CLIC5: variants seen among roughly 807,000 people sequenced by gnomAD.
CLIC5 encodes the protein CLIC family member 5, also known as chloride intracellular channel protein 5.
Under a neutral mutation model 24.7 loss-of-function variants are expected in CLIC5, and 20 were observed. The observed-to-expected ratio is 0.81, with a 90% CI of 0.57 to 1.18. The LOEUF is 1.18. Among genes scored for constraint, CLIC5 ranks in the 50% most tolerant of loss-of-function variants. The pLI, the probability that CLIC5 is intolerant of heterozygous loss-of-function variation, is 0.00. For missense variants in CLIC5, 341 were observed against 326.1 expected, an observed-to-expected ratio of 1.05 and a Z score of -0.35; for synonymous variants, 159 against 135.6, an observed-to-expected ratio of 1.17 and a Z score of -1.20.
At position 45,932,038 on chromosome 6, in the gene CLIC5, T is replaced by G. The variant is rs373511976; in HGVS notation, c.406+9509A>C. Reference sequence around the variant, plus strand: ...CCTGCCTCCAAAGATCCAGCCTCTTTTTGGTCCTTTCTGTTGATGGGATAC... The same window carrying G: ...CCTGCCTCCAAAGATCCAGCCTCTTGTTGGTCCTTTCTGTTGATGGGATAC... On this transcript the variant is annotated intron_variant, in intron 4 of 5. Transcript: ENST00000339561. 1.1e-4 allele frequency among the ~76,000 whole-genome samples: 16 copies of G among 152,308 alleles called. No homozygotes were observed. In the East Asian group the frequency reaches 2.9e-3, roughly 28 times the overall value.
At chr6:46,071,734 G>C (rs555585476) in intron 1 of CLIC5, among the ~76,000 whole-genome samples, 51 of 152,176 alleles carry the variant, frequency 3.4e-4, no homozygotes, top group African/African-American at 1.1e-3. Context: ...TCTCATTACT[G>C]GGTATATACC....
At chr6:46,007,676 C>A (rs1766636439) in intron 1 of CLIC5, among the ~76,000 whole-genome samples, 1 of 152,124 alleles carries the variant, frequency 6.6e-6, no homozygotes, top group Non-Finnish European at 1.5e-5. Context: ...TCCTTAAACC[C>A]ACATAGCGTA....
upstream of CLIC5, among the ~76,000 whole-genome samples, chr6:46,020,238 C>G (rs929083415): frequency 3.3e-5 from 5 of 151,966 alleles, no homozygotes; most frequent in East Asian, 9.6e-4. Flanking sequence ...GTTCTCTGAC[C>G]ATAATGGAAT....
At chr6:45,925,522 G>T (rs1326603414) in intron 4 of CLIC5, among the ~76,000 whole-genome samples, 1 of 152,064 alleles carries the variant, frequency 6.6e-6, no homozygotes, top group African/African-American at 2.4e-5. Flanking sequence ...TCACCATATT[G>T]GCCAGGCTGG....
At chr6:45,898,078 T>C (rs1762420667), downstream of CLIC5, among the ~76,000 whole-genome samples, 1 of 152,184 alleles carries the variant, frequency 6.6e-6, no homozygotes, top group Non-Finnish European at 1.5e-5. Context: ...TTTGTTTTGC[T>C]TTGTTTGAGA....
At chr6:45,912,929 G>A (rs1292023410) in intron 5 of CLIC5, among the ~76,000 whole-genome samples, 1 of 152,154 alleles carries the variant, frequency 6.6e-6, no homozygotes, top group Admixed American at 6.6e-5. Flanking sequence ...CAGCTCTAAG[G>A]CATACGGAAA....
chr6:46,099,445 C>T, the CLIC5 span, among the ~76,000 whole-genome samples: 1 of 152,190 alleles, frequency 6.6e-6, no homozygotes. Flanking sequence ...AAACAGTAGA[C>T]AGCCATTGGC....
intron 1 of CLIC5, among the ~76,000 whole-genome samples, chr6:46,000,846 T>G (rs1296551884): frequency 1.3e-5 from 2 of 152,134 alleles, no homozygotes; most frequent in Admixed American, 1.3e-4. Context: ...AAGGTGAGAT[T>G]TGGGTGGGGA....
At chr6:46,010,095 T>C (rs754842298) in intron 1 of CLIC5, among the ~76,000 whole-genome samples, 16 of 152,162 alleles carry the variant, frequency 1.1e-4, no homozygotes, top group Non-Finnish European at 2.2e-4. Context: ...ATCGGGAACA[T>C]TTCTCTTCCA....
Position 45,902,180 on chromosome 6 carries a change from C to G in CLIC5, c.*908G>C, listed in dbSNP as rs1762527294. ...AGAACTCTTTTGTCTTCACCCATCT[C>G]TCCTCCTCCCACTCCCATCCACTTT... On this transcript the variant is annotated 3_prime_UTR_variant, in exon 6 of 6. Coordinates refer to ENST00000339561, the MANE Select transcript of CLIC5 (RefSeq NM_016929.5). 1 of 152,822 alleles carries G rather than the reference C, an allele frequency of 6.5e-6. No homozygotes were observed. The highest frequency in any genetic ancestry group is 2.1e-4 in the South Asian group (1 of 4,828). The allele number at this position is 152,822 out of a possible 1,614,324, so 9.5% of individuals were successfully genotyped here.
chr6:45,948,441 G>A (rs974348286), intron 3 of CLIC5, among the ~76,000 whole-genome samples: 2 of 152,066 alleles, frequency 1.3e-5, no homozygotes, highest in East Asian at 1.9e-4. Flanking sequence ...GTCTTAAAAC[G>A]GACTCCCCAC....
Position 46,007,048 on chromosome 6 carries a change from G to A in CLIC5, c.63+8432C>T, listed in dbSNP as rs113242017. Among the ~76,000 whole-genome samples, 9 of 152,126 alleles carry A rather than the reference G, an allele frequency of 5.9e-5. No homozygotes were observed. The East Asian group carries it at 7.7e-4, about 13-fold the overall frequency. ...CTCCCTCCTCTGGGGAACCTCCTCC[G>A]TCACCTGTAGCTCTGAGCAGAAGTT... is the stretch of plus-strand genomic sequence containing the variant. On this transcript the variant is annotated intron_variant, in intron 1 of 5. Transcript: ENST00000339561.
chr6:46,074,989 G>A (rs1479600870), intron 1 of CLIC5, among the ~76,000 whole-genome samples: 4 of 152,194 alleles, frequency 2.6e-5, no homozygotes, highest in Non-Finnish European at 5.9e-5. Context: ...CTGAATGCTT[G>A]CTGCAAAGCA....
At chr6:46,093,408 T>C in the CLIC5 span, among the ~76,000 whole-genome samples, 1 of 152,210 alleles carries the variant, frequency 6.6e-6, no homozygotes, top group African/African-American at 2.4e-5. Flanking sequence ...GCGGGAACTC[T>C]GTATTTCTCG....
At chr6:45,938,451 G>A (rs191668862) in intron 4 of CLIC5, among the ~76,000 whole-genome samples, 91 of 152,320 alleles carry the variant, frequency 6.0e-4, no homozygotes, top group African/African-American at 2.1e-3. Context: ...ATAGTTCCAG[G>A]GAAGGAATGT....
At chr6:45,889,423 G>A (rs1457448136) in intron 6 of CLIC5, among the ~76,000 whole-genome samples, 4 of 152,106 alleles carry the variant, frequency 2.6e-5, no homozygotes, top group Admixed American at 2.0e-4. Context: ...TAAATTTTGG[G>A]GGGAACACAT....
chr6:46,083,929 T>A (rs1439595746), upstream of CLIC5, among the ~76,000 whole-genome samples: 4 of 152,196 alleles, frequency 2.6e-5, no homozygotes, highest in African/African-American at 9.7e-5. Context: ...TGTAGGTCAC[T>A]CAGGGCTTGC....
At chr6:45,929,253 T>C (rs1763632662) in intron 4 of CLIC5, among the ~76,000 whole-genome samples, 1 of 152,120 alleles carries the variant, frequency 6.6e-6, no homozygotes. Flanking sequence ...ACCTCAATAA[T>C]GAACCAAATC....
chr6:46,125,148 C>T, the CLIC5 span, among the ~76,000 whole-genome samples: 3 of 152,082 alleles, frequency 2.0e-5, no homozygotes, highest in Non-Finnish European at 4.4e-5. Context: ...TGCAGCACTA[C>T]TCACAATAGC....
Sources: allele counts gnomAD v4.1 joint callset (sites outside exome capture counted in the v4.1 genomes callset), GRCh38; gene constraint gnomAD v4.1.1; transcripts MANE v1.5; gene names NCBI Gene and HGNC (gene_info 2026-07-23, HGNC 2026-07-21).